ADAMTS2: variants seen among roughly 807,000 people sequenced by gnomAD.
The protein encoded by ADAMTS2 is A disintegrin and metalloproteinase with thrombospondin motifs 2.
In ADAMTS2, 50 loss-of-function variants were observed where a neutral mutation model predicts 123.0. The observed-to-expected ratio is 0.41, with a 90% CI of 0.32 to 0.51. The LOEUF (loss-of-function observed/expected upper bound fraction) is 0.51, where lower values mean the gene tolerates loss of function less well. Ranked by LOEUF, ADAMTS2 falls within the 20% of genes least tolerant of loss-of-function variation. The pLI is 0.35. For missense variants in ADAMTS2, 1,494 were observed against 1,705.2 expected (o/e 0.88, Z 2.18); for synonymous variants, 678 against 695.4 (o/e 0.98, Z 0.39).
Position 179,115,704 on chromosome 5 carries a change from G to A in ADAMTS2, c.3179-1380C>T, listed in dbSNP as rs3776808. 0.25 allele frequency among the ~76,000 whole-genome samples: 36,842 copies of A among 150,258 alleles called. 5,309 individuals carry two copies. Among genetic ancestry groups the A allele is most frequent in the South Asian group, 0.37 (1,752 of 4,730 alleles). On this transcript the variant is annotated intron_variant, in intron 21 of 21. Transcript: ENST00000251582. This position sits in a 1 kb window ranked among gnomAD's most constrained non-coding sequence, Gnocchi z 4.4. ...GAAGAAAGGGAGGAGGAAAGGGAGG[G>A]AGAAAGGGAGGGAGAAAGGCTCAGG...
chr5:179,318,198 G>A (rs1757055136), intron 2 of ADAMTS2, among the ~76,000 whole-genome samples: 1 of 152,246 alleles, frequency 6.6e-6, no homozygotes, highest in Admixed American at 6.5e-5. Flanking sequence ...AGCAGAAAGG[G>A]TCATTTATCT....
At chr5:179,133,021 A>T in intron 13 of ADAMTS2, 121 bp from the exon 14 acceptor site, 2 of 1,355,908 alleles carry the variant, frequency 1.5e-6, no homozygotes, top group Non-Finnish European at 2.0e-6. Context: ...GGCCTCCCAA[A>T]GCATTGGGAT....
chr5:179,280,734 GGTCA>G (rs900612102), intron 2 of ADAMTS2, among the ~76,000 whole-genome samples: 1 of 152,136 alleles, frequency 6.6e-6, no homozygotes, highest in African/African-American at 2.4e-5. Context: ...TTGTTATAGA[GGTCA>G]GTAAGTAGCA....
intron 5 of ADAMTS2, among the ~76,000 whole-genome samples, chr5:179,167,288 C>A (rs1459335679): frequency 6.6e-6 from 1 of 151,996 alleles, no homozygotes; most frequent in Non-Finnish European, 1.5e-5. Flanking sequence ...CCAGGTGGCG[C>A]TGCTGCCGCG....
chr5:179,134,432 T>C (rs1463174550), intron 13 of ADAMTS2, among the ~76,000 whole-genome samples: 1 of 152,142 alleles, frequency 6.6e-6, no homozygotes, highest in Admixed American at 6.5e-5. Flanking sequence ...ACCAGGCTAC[T>C]GGGGACCACC....
Position 179,122,738 on chromosome 5 carries a change from C to A in ADAMTS2, c.2994G>T (p.Arg998=), listed in dbSNP as rs780314895. The A allele has an allele frequency of 4.1e-5, 63 of 1,553,606 alleles. No homozygotes were observed. The highest frequency in any genetic ancestry group is 2.7e-4 in the Admixed American group (14 of 51,312). The change falls in exon 20 of 22, where the codon CGG becomes CGT. Residue 998 remains arginine (R), a synonymous_variant. Transcript: ENST00000251582. ...SVTCGNGTQE[R]PVLCRTADDS... is the part of the protein sequence containing the mutation. ...CGTCCGCGGTGCGGCAGAGCACTGG[C>A]CGCTCCTGGGTGCCGTTGCCACAGG...
chr5:179,197,203 A>G lies in ADAMTS2; in HGVS notation c.891+10310T>C, dbSNP rs1296007267. 2.6e-5 allele frequency among the ~76,000 whole-genome samples: 4 copies of G among 152,334 alleles called. No individual in the cohort carries two copies. In the East Asian group the frequency reaches 7.7e-4, roughly 29 times the overall value. ...TGCAGGCTGGGTATCACCCACTGCA[A>G]TGGTCTGCCTCCTGTCTACAAGGAG... is the stretch of plus-strand genomic sequence containing the variant. On this transcript the variant is annotated intron_variant, in intron 4 of 21. Transcript: ENST00000251582. The surrounding 1 kb of genome is among the most constrained non-coding windows in gnomAD (Gnocchi z 4.2).
chr5:179,128,016 CAG>C lies in ADAMTS2; in HGVS notation c.2558_2559del (p.Ser853CysfsTer74). The C allele has an allele frequency of 6.2e-7, 1 of 1,614,122 alleles. No homozygotes were observed. The highest frequency in any genetic ancestry group is 8.5e-7 in the Non-Finnish European group (1 of 1,180,044). Reference protein sequence around the residue: ...VDDNNVLEEDSVVYEWALKKW... With the variant: ...VDDNNVLEEDXVVYEWALKKW... ...TTCTTCAGGGCCCACTCGTAGACCA[CAG>C]AGTCCTCTTCCAGGACGTTGTTGTC... On this transcript the variant is annotated frameshift_variant, in exon 17 of 22. Coordinates refer to ENST00000251582, the MANE Select transcript of ADAMTS2 (RefSeq NM_014244.5). LOFTEE classifies it high-confidence loss of function. This position sits in a 1 kb window ranked among gnomAD's most constrained non-coding sequence, Gnocchi z 4.9.
In ADAMTS2 at chr5:179,304,495, G is replaced by A. The variant is rs187800278; in HGVS notation, c.535-31431C>T. Reference sequence around the variant, plus strand: ...TGGAAAGATAGTCTCAGCAAGAAACGGAAGACATATTTTTAAAAAGGACCA... The same window carrying A: ...TGGAAAGATAGTCTCAGCAAGAAACAGAAGACATATTTTTAAAAAGGACCA... On this transcript the variant is annotated intron_variant, in intron 2 of 21. Transcript: ENST00000251582. 2.1e-3 allele frequency among the ~76,000 whole-genome samples: 314 copies of A among 152,244 alleles called. 2 individuals are homozygous for A. Among genetic ancestry groups the A allele is most frequent in the Admixed American group, 4.4e-3 (67 of 15,294 alleles).
At chr5:179,212,341 T>G (rs13173512) in intron 3 of ADAMTS2, among the ~76,000 whole-genome samples, 90 of 54,146 alleles carry the variant, frequency 1.7e-3, no homozygotes, top group South Asian at 2.5e-3. Context: ...GAGGGTGGGT[T>G]CAGTGGGCAC....
chr5:179,115,301 C>T lies in ADAMTS2; in HGVS notation c.3179-977G>A, dbSNP rs1762640130. Among the ~76,000 whole-genome samples, 1 of 152,180 alleles carries T rather than the reference C, an allele frequency of 6.6e-6. No homozygotes were observed. Among genetic ancestry groups the T allele is most frequent in the Non-Finnish European group, 1.5e-5 (1 of 68,038 alleles). On this transcript the variant is annotated intron_variant, in intron 21 of 21. Coordinates refer to ENST00000251582, the MANE Select transcript of ADAMTS2 (RefSeq NM_014244.5). The surrounding 1 kb of genome is among the most constrained non-coding windows in gnomAD (Gnocchi z 4.4). Reference sequence around the variant, plus strand: ...TCACACTCTCTTTACTCTCTGTCTCCTTCCCAAGTTTTCACCCCTTCCCTC... The same window carrying T: ...TCACACTCTCTTTACTCTCTGTCTCTTTCCCAAGTTTTCACCCCTTCCCTC...
At position 179,188,657 on chromosome 5, in the gene ADAMTS2, G is replaced by C. The variant is rs551410917; in HGVS notation, c.892-7502C>G. Among the ~76,000 whole-genome samples the C allele has an allele frequency of 7.2e-5, 11 of 152,158 alleles. No homozygotes were observed. Among genetic ancestry groups the C allele is most frequent in the Non-Finnish European group, 1.5e-4 (10 of 68,026 alleles). ...CTAGGCTCAGTTCATACATCAAAAA[G>C]TGAGGTGGTCAGAGTCCCCTCCTTC... On this transcript the variant is annotated intron_variant, in intron 4 of 21. Transcript: ENST00000251582. This position sits in a 1 kb window ranked among gnomAD's most constrained non-coding sequence, Gnocchi z 5.1.
At chr5:179,282,892 G>A (rs893973897) in intron 2 of ADAMTS2, among the ~76,000 whole-genome samples, 6 of 152,076 alleles carry the variant, frequency 3.9e-5, no homozygotes, top group South Asian at 2.1e-4. Flanking sequence ...TGGCTAACAC[G>A]GTAAAACCAT....
intron 4 of ADAMTS2, among the ~76,000 whole-genome samples, chr5:179,196,987 A>G (rs1283234236): frequency 1.3e-5 from 2 of 152,242 alleles, no homozygotes; most frequent in African/African-American, 4.8e-5. Context: ...TACCTTGACA[A>G]ATTCACGTGA....
At position 179,344,073 on chromosome 5, in the gene ADAMTS2, C is replaced by A. The variant is rs1162154516; in HGVS notation, c.228G>T (p.Ser76=). Residue 76 remains serine (S), a synonymous_variant, in exon 2 of 22, where the codon TCG becomes TCT. Transcript: ENST00000251582. ...AQGRLVSHVV[S]AATSRAGVRA... ...GTACCCCTGCTCTGGACGTAGCTGC[C>A]GACACCACGTGGGACACCAAGCGGC... 3.7e-6 allele frequency: 6 copies of A among 1,611,318 alleles called. No individual in the cohort carries two copies. Among genetic ancestry groups the A allele is most frequent in the Non-Finnish European group, 5.1e-6 (6 of 1,179,170 alleles).
rs78186838 is a variant in ADAMTS2, at chr5:179,217,013, C to T, written c.689-9298G>A. On this transcript the variant is annotated intron_variant, in intron 3 of 21. Transcript: ENST00000251582. ...GACCCTTGGCCCATGGGCCATTGTT[C>T]GGCCCCATGGACTGGCTTGCAGATG... is the stretch of plus-strand genomic sequence containing the variant. 8.6e-3 allele frequency among the ~76,000 whole-genome samples: 1,304 copies of T among 152,274 alleles called. 18 individuals carry two copies. Among genetic ancestry groups the T allele is most frequent in the African/African-American group, 0.03 (1,247 of 41,550 alleles).
intron 2 of ADAMTS2, among the ~76,000 whole-genome samples, chr5:179,322,310 C>T (rs561775511): frequency 2.6e-5 from 4 of 152,298 alleles, no homozygotes; most frequent in East Asian, 1.9e-4. Flanking sequence ...GCACCCACGG[C>T]CCGTGCCTTC....
chr5:179,318,259 T>A (rs912922985), intron 2 of ADAMTS2, among the ~76,000 whole-genome samples: 3 of 152,246 alleles, frequency 2.0e-5, no homozygotes, highest in Non-Finnish European at 4.4e-5. Context: ...TGGCAGCATT[T>A]ACTCTGAAGA....
At chr5:179,252,098 C>A (rs931049193) in intron 3 of ADAMTS2, among the ~76,000 whole-genome samples, 6 of 151,284 alleles carry the variant, frequency 4.0e-5, no homozygotes, top group South Asian at 2.1e-4. Context: ...ACCTCTACCT[C>A]CCAGGCTCAA....
Sources: allele counts gnomAD v4.1 joint callset (sites outside exome capture counted in the v4.1 genomes callset), GRCh38; gene constraint gnomAD v4.1.1; non-coding constraint Gnocchi (gnomAD v3.1); transcripts MANE v1.5; gene names NCBI Gene and HGNC (gene_info 2026-07-23, HGNC 2026-07-21).